Variants in COL8A1 observed in about 807,000 individuals in gnomAD.
COL8A1 encodes collagen type VIII alpha 1 chain, also known as collagen alpha-1(VIII) chain.
COL8A1 carries 21 observed loss-of-function variants against 42.7 expected under a neutral mutation model. The ratio of observed to expected loss-of-function variants is 0.49; its 90% confidence interval spans 0.35 to 0.71. COL8A1 has a LOEUF of 0.71. Ranked by LOEUF, COL8A1 falls within the 30% of genes least tolerant of loss-of-function variation. The pLI is 0.01. For synonymous variants in COL8A1, 367 were observed against 369.1 expected, an observed-to-expected ratio of 0.99 and a Z score of 0.06; for missense variants, 788 against 962.4, an observed-to-expected ratio of 0.82 and a Z score of 2.40.
chr3:99,710,527 G>C (rs1036396753), intron 1 of COL8A1, among the ~76,000 whole-genome samples: 1 of 152,162 alleles, frequency 6.6e-6, no homozygotes, highest in African/African-American at 2.4e-5. Context: ...AACATTTAAT[G>C]AACCAAAGCT....
chr3:99,664,296 G>C (rs1274919044), intron 1 of COL8A1, among the ~76,000 whole-genome samples: 1 of 152,092 alleles, frequency 6.6e-6, no homozygotes, highest in African/African-American at 2.4e-5. Context: ...ACTACTATTT[G>C]TTGAATGAAT....
intron 2 of COL8A1, among the ~76,000 whole-genome samples, chr3:99,771,154 AG>A (rs1487246906): frequency 2.6e-5 from 4 of 152,242 alleles, no homozygotes; most frequent in African/African-American, 4.8e-5. Context: ...AATTAGGGAC[AG>A]GAAAGAATCA....
At position 99,726,729 on chromosome 3, in the gene COL8A1, C is replaced by T. The variant is rs570164447; in HGVS notation, c.-128-18168C>T. 5.0e-3 allele frequency among the ~76,000 whole-genome samples: 751 copies of T among 151,526 alleles called. 4 individuals carry two copies. Among genetic ancestry groups the T allele is most frequent in the African/African-American group, 0.016 (675 of 41,302 alleles). ...CAAAGATCAGATAGTTGTAGATATG[C>T]GGCGTTATTTCTGAGGGCTCTGTTC... On this transcript the variant is annotated intron_variant, in intron 1 of 3. Transcript: ENST00000652472.
intron 1 of COL8A1, among the ~76,000 whole-genome samples, chr3:99,697,899 G>C (rs1041017642): frequency 6.6e-6 from 1 of 152,136 alleles, no homozygotes; most frequent in Non-Finnish European, 1.5e-5. Context: ...CATGTGCCAT[G>C]TTGGTGTGCT....
intron 1 of COL8A1, among the ~76,000 whole-genome samples, chr3:99,681,919 A>G (rs1403808658): frequency 6.6e-6 from 1 of 152,178 alleles, no homozygotes. Flanking sequence ...ATGGCTAGCA[A>G]GCAGCAGAGT....
chr3:99,769,519 T>C (rs1941536969), intron 2 of COL8A1, among the ~76,000 whole-genome samples: 1 of 152,248 alleles, frequency 6.6e-6, no homozygotes, highest in Non-Finnish European at 1.5e-5. Context: ...AAAGCTTCAC[T>C]GGAGATTGGC....
At chr3:99,669,144 T>TAGAG (rs1187331044) in intron 1 of COL8A1, among the ~76,000 whole-genome samples, 4 of 100,020 alleles carry the variant, frequency 4.0e-5, no homozygotes, top group African/African-American at 1.3e-4. Context: ...TATATATATA[T>TAGAG]ATAGAGGGAG....
intron 1 of COL8A1, among the ~76,000 whole-genome samples, chr3:99,677,070 G>A (rs1027283055): frequency 2.0e-5 from 3 of 151,276 alleles, no homozygotes; most frequent in African/African-American, 7.3e-5. Flanking sequence ...GAAAAAGAGA[G>A]AGAGAGAGAG....
chr3:99,791,149 T>C (rs1941993384), intron 3 of COL8A1, 139 bp downstream of exon 3: 2 of 745,798 alleles, frequency 2.7e-6, no homozygotes, highest in East Asian at 5.4e-5. Context: ...TACTGTGTTC[T>C]AACCATATTC....
chr3:99,700,890 C>G (rs1447313273), intron 1 of COL8A1, among the ~76,000 whole-genome samples: 1 of 152,088 alleles, frequency 6.6e-6, no homozygotes, highest in Admixed American at 6.5e-5. Context: ...TCTGGAAGTT[C>G]CGTCTCTACA....
intron 1 of COL8A1, among the ~76,000 whole-genome samples, chr3:99,740,649 G>A (rs1439739913): frequency 6.6e-6 from 1 of 152,130 alleles, no homozygotes; most frequent in Non-Finnish European, 1.5e-5. Flanking sequence ...CCCACAACAT[G>A]TGGGGATTAT....
chr3:99,696,376 T>A (rs1939365622), intron 1 of COL8A1, among the ~76,000 whole-genome samples: 1 of 152,156 alleles, frequency 6.6e-6, no homozygotes, highest in Admixed American at 6.5e-5. Flanking sequence ...CCAGGTCCTA[T>A]CCTCAAGGGC....
At chr3:99,719,912 C>A (rs1486536043) in intron 1 of COL8A1, among the ~76,000 whole-genome samples, 1 of 152,080 alleles carries the variant, frequency 6.6e-6, no homozygotes, top group African/African-American at 2.4e-5. Context: ...CTGGTCATTT[C>A]TTCCATTTCA....
intron 1 of COL8A1, among the ~76,000 whole-genome samples, chr3:99,708,508 C>T (rs1158041328): frequency 6.6e-6 from 1 of 151,988 alleles, no homozygotes; most frequent in East Asian, 1.9e-4. Context: ...AAACCTTCCA[C>T]CCGAGGCTGG....
At chr3:99,660,358 T>G in intron 1 of COL8A1, among the ~76,000 whole-genome samples, 1 of 152,316 alleles carries the variant, frequency 6.6e-6, no homozygotes, top group Admixed American at 6.5e-5. Context: ...TATTATTTTT[T>G]AAATATAGCC....
chr3:99,793,593 A>G (rs1942042642), intron 3 of COL8A1, among the ~76,000 whole-genome samples: 1 of 152,126 alleles, frequency 6.6e-6, no homozygotes, highest in Non-Finnish European at 1.5e-5. Context: ...ACACCATAAT[A>G]TCTCCAAGTT....
chr3:99,648,171 A>G (rs550298362), intron 1 of COL8A1, among the ~76,000 whole-genome samples: 2 of 152,302 alleles, frequency 1.3e-5, no homozygotes, highest in South Asian at 2.1e-4. Flanking sequence ...AACGATGAGA[A>G]AAACTAAGCC....
intron 1 of COL8A1, among the ~76,000 whole-genome samples, chr3:99,690,255 T>A (rs923094811): frequency 6.6e-6 from 1 of 152,358 alleles, no homozygotes; most frequent in African/African-American, 2.4e-5. Flanking sequence ...TCTGATACTT[T>A]AATATTCTTC....
Position 99,795,458 on chromosome 3 carries a change from G to C in COL8A1, c.1557G>C (p.Gly519=). Residue 519 remains glycine, a synonymous_variant, in exon 4 of 4, where the codon GGG becomes GGC. Transcript: ENST00000652472. ...IGPPGIPGPK[G]EPGLPGPPGF... ...CACCTGGGATTCCAGGCCCCAAAGG[G>C]GAGCCGGGCCTCCCAGGGCCCCCTG... The C allele has an allele frequency of 1.3e-6, 2 of 1,523,054 alleles. No individual in the cohort carries two copies. Among genetic ancestry groups the C allele is most frequent in the Non-Finnish European group, 1.8e-6 (2 of 1,133,788 alleles). 94.3% of individuals were successfully genotyped at this position (1,523,054 alleles called of 1,614,324 possible).
Sources: allele counts gnomAD v4.1 joint callset (sites outside exome capture counted in the v4.1 genomes callset), GRCh38; gene constraint gnomAD v4.1.1; transcripts MANE v1.5; gene names NCBI Gene and HGNC (gene_info 2026-07-23, HGNC 2026-07-21).